Variants in TRAF3 observed in about 807,000 individuals in gnomAD.
TRAF3 encodes TNF receptor associated factor 3, also known as TNF receptor-associated factor 3.
In TRAF3, 13 loss-of-function variants were observed where a neutral mutation model predicts 62.3. The ratio of observed to expected loss-of-function variants is 0.21; its 90% CI spans 0.14 to 0.33. The LOEUF (loss-of-function observed/expected upper bound fraction) is 0.33, where lower values mean the gene tolerates loss of function less well. Ranked by LOEUF, TRAF3 falls within the 10% of genes least tolerant of loss-of-function variation. The probability of loss-of-function intolerance (pLI) is 1.00; values close to 1 mark genes in which losing one functional copy is unlikely to be tolerated. For missense variants in TRAF3, 440 were observed against 741.8 expected, an observed-to-expected ratio of 0.59 and a Z score of 4.73; for synonymous variants, 269 against 283.4, an observed-to-expected ratio of 0.95 and a Z score of 0.51.
chr14:102,831,965 T>TATCA (rs1900719439), intron 2 of TRAF3, among the ~76,000 whole-genome samples: 1 of 152,228 alleles, frequency 6.6e-6, no homozygotes, highest in Non-Finnish European at 1.5e-5. Flanking sequence ...GCACCTCCTG[T>TATCA]ATCACCTTTA....
At chr14:102,869,559 C>T (rs1210993892) in intron 2 of TRAF3, among the ~76,000 whole-genome samples, 1 of 152,038 alleles carries the variant, frequency 6.6e-6, no homozygotes, top group Non-Finnish European at 1.5e-5. Context: ...GTAATCCCAG[C>T]ACTTTGGGAG....
intron 2 of TRAF3, among the ~76,000 whole-genome samples, chr14:102,846,447 A>C (rs1484691640): frequency 6.6e-6 from 1 of 152,072 alleles, no homozygotes. Context: ...TTTTTATATA[A>C]GTTATGTTTG....
chr14:102,839,210 C>CTTTTTTTTTT lies in TRAF3; in HGVS notation c.-18+8757_-18+8766dup, dbSNP rs56998347. On this transcript the variant is annotated intron_variant, in intron 2 of 11. Transcript: ENST00000392745. ...GAGAGATGCTTATTGGTTGATTTGC[C>CTTTTTTTTTT]TTTTTTTTTTTTTTTTTTTTTTTTT... is the stretch of plus-strand genomic sequence containing the variant. Among the ~76,000 whole-genome samples, 8 of 89,834 alleles carry CTTTTTTTTTT rather than the reference C, an allele frequency of 8.9e-5. 1 individual carries two copies. Among genetic ancestry groups the CTTTTTTTTTT allele is most frequent in the African/African-American group, 3.5e-4 (8 of 22,588 alleles). The allele number at this position is 89,834 out of a possible 152,430, so 58.9% of individuals were successfully genotyped here.
intron 2 of TRAF3, among the ~76,000 whole-genome samples, chr14:102,857,782 A>G (rs959068203): frequency 6.6e-6 from 1 of 152,242 alleles, no homozygotes; most frequent in Admixed American, 6.5e-5. Flanking sequence ...AGTCCTGGTA[A>G]AACAACTAGT....
chr14:102,807,771 A>G (rs774331359), intron 1 of TRAF3, among the ~76,000 whole-genome samples: 1 of 152,190 alleles, frequency 6.6e-6, no homozygotes, highest in Non-Finnish European at 1.5e-5. Context: ...TCTTATCCCT[A>G]CAGCTGGCAA....
chr14:102,846,350 A>T (rs1356437066), intron 2 of TRAF3, among the ~76,000 whole-genome samples: 1 of 152,208 alleles, frequency 6.6e-6, no homozygotes, highest in East Asian at 1.9e-4. Flanking sequence ...AAAATAAACT[A>T]CAGACACAGC....
chr14:102,850,451 C>T (rs1017605061), intron 2 of TRAF3, among the ~76,000 whole-genome samples: 1 of 152,000 alleles, frequency 6.6e-6, no homozygotes, highest in Admixed American at 6.6e-5. Context: ...AATCCCAGCA[C>T]TTTGGGAGGC....
chr14:102,906,128 CA>C lies in TRAF3; in HGVS notation c.*351del, dbSNP rs996339857. The C allele has an allele frequency of 2.3e-5, 5 of 216,836 alleles. No individual in the cohort carries two copies. Among genetic ancestry groups the C allele is most frequent in the African/African-American group, 6.9e-5 (3 of 43,522 alleles). 13.4% of individuals were successfully genotyped at this position (216,836 alleles called of 1,614,324 possible). ...ATTTTTCTTCCTTAAACTTGAACAC[CA>C]AAAAAACACACACACACACACACGT... On this transcript the variant is annotated 3_prime_UTR_variant, in exon 12 of 12. Transcript: ENST00000392745.
intron 1 of TRAF3, among the ~76,000 whole-genome samples, chr14:102,788,394 G>A (rs923035075): frequency 6.6e-6 from 1 of 152,154 alleles, no homozygotes; most frequent in Non-Finnish European, 1.5e-5. Context: ...AGGCATGGTA[G>A]CCCGCACCTG....
chr14:102,788,167 A>G (rs1897601768), intron 1 of TRAF3, among the ~76,000 whole-genome samples: 1 of 151,884 alleles, frequency 6.6e-6, no homozygotes, highest in African/African-American at 2.4e-5. Flanking sequence ...CAGAGAATGT[A>G]TTTCTATTAC....
chr14:102,825,857 T>A (rs1900277793), intron 1 of TRAF3, among the ~76,000 whole-genome samples: 3 of 152,142 alleles, frequency 2.0e-5, no homozygotes, highest in African/African-American at 7.2e-5. Context: ...CTTGAGTGAG[T>A]CTCTCTGAAG....
rs566743348 is a variant in TRAF3 at position 102,899,303 on chromosome 14, G to A, written c.960+1902G>A. 1.7e-3 allele frequency among the ~76,000 whole-genome samples: 259 copies of A among 152,314 alleles called. 1 individual carries two copies. The highest frequency in any genetic ancestry group is 6.1e-3 in the African/African-American group (254 of 41,578). On this transcript the variant is annotated intron_variant, in intron 10 of 11. Transcript: ENST00000392745. ...CTTCTGATGCCCAGAGGTGCTGGCT[G>A]TGTGGGAGCTGCACGGGGCCAGGCC...
chr14:102,819,194 C>A (rs1899742398), intron 1 of TRAF3, among the ~76,000 whole-genome samples: 1 of 152,116 alleles, frequency 6.6e-6, no homozygotes. Context: ...AGCGGTGTGT[C>A]CCTGTCCTGC....
intron 1 of TRAF3, among the ~76,000 whole-genome samples, chr14:102,801,589 C>T (rs937678549): frequency 9.2e-5 from 14 of 152,014 alleles, no homozygotes; most frequent in Admixed American, 7.9e-4. Flanking sequence ...GGCTGAGGTG[C>T]AGTAGTACAA....
chr14:102,839,072 C>G (rs78180260), intron 2 of TRAF3, among the ~76,000 whole-genome samples: 3,261 of 152,128 alleles, frequency 0.021, 119 homozygotes, highest in African/African-American at 0.075. Context: ...ATGGATGAGT[C>G]CTTTTGCTTG....
At chr14:102,871,216 G>T (rs1235251367) in intron 3 of TRAF3, among the ~76,000 whole-genome samples, 3 of 152,222 alleles carry the variant, frequency 2.0e-5, no homozygotes, top group Admixed American at 2.0e-4. Flanking sequence ...CCAGCCCCCT[G>T]CCCTGTCACC....
intron 1 of TRAF3, among the ~76,000 whole-genome samples, chr14:102,797,167 T>C (rs1046420400): frequency 6.6e-6 from 1 of 152,208 alleles, no homozygotes; most frequent in Non-Finnish European, 1.5e-5. Flanking sequence ...AAAATAGATA[T>C]TGTCTTGTGT....
intron 9 of TRAF3, chr14:102,895,150 GAC>G (rs927709960): frequency 2.2e-6 from 1 of 455,272 alleles, no homozygotes; most frequent in Non-Finnish European, 4.4e-6. Context: ...CTTTCAGAGG[GAC>G]ACAACTACCA....
chr14:102,848,620 G>A (rs569322914), intron 2 of TRAF3, among the ~76,000 whole-genome samples: 44 of 152,264 alleles, frequency 2.9e-4, no homozygotes, highest in African/African-American at 1.0e-3. Context: ...TTCTCCAATA[G>A]TCTCTGGTAT....
Sources: gnomAD v4.1 joint callset for allele counts (sites outside exome capture counted in the v4.1 genomes callset) on GRCh38, gnomAD v4.1.1 for gene constraint, MANE v1.5 for transcripts, NCBI Gene and HGNC (gene_info 2026-07-23, HGNC 2026-07-21) for gene names.